CEP63: variants seen among roughly 807,000 people sequenced by gnomAD.
The protein encoded by CEP63 is centrosomal protein 63.
In CEP63, 84 loss-of-function variants were observed where a neutral mutation model predicts 89.1. The observed-to-expected ratio is 0.94, with a 90% CI of 0.79 to 1.13. CEP63 has a LOEUF of 1.13. Among genes scored for constraint, CEP63 ranks in the 50% most tolerant of loss-of-function variants. The probability of loss-of-function intolerance (pLI) is 0.00; values close to 1 mark genes in which losing one functional copy is unlikely to be tolerated. For missense variants in CEP63, 838 were observed against 813.3 expected (o/e 1.03, Z -0.37); for synonymous variants, 267 against 272.5 (o/e 0.98, Z 0.20).
At chr3:134,568,452 T>G (rs973977327), downstream of CEP63, among the ~76,000 whole-genome samples, 1 of 152,214 alleles carries the variant, frequency 6.6e-6, no homozygotes, top group African/African-American at 2.4e-5. Flanking sequence ...CAGGTTCCTG[T>G]GTAACCCAAC....
intron 1 of CEP63, among the ~76,000 whole-genome samples, chr3:134,489,591 A>C (rs1324373424): frequency 1.3e-5 from 2 of 152,190 alleles, no homozygotes; most frequent in Non-Finnish European, 2.9e-5. Flanking sequence ...TATTGCCTGT[A>C]TCCGTTATTG....
At chr3:134,556,897 A>G (rs894191731) in intron 12 of CEP63, among the ~76,000 whole-genome samples, 5 of 152,200 alleles carry the variant, frequency 3.3e-5, no homozygotes, top group East Asian at 1.9e-4. Flanking sequence ...TCATTTTTTA[A>G]TAAGTATGTT....
At chr3:134,743,203 C>G in the CEP63 span, among the ~76,000 whole-genome samples, 5 of 152,164 alleles carry the variant, frequency 3.3e-5, no homozygotes, top group African/African-American at 1.2e-4. Context: ...TACTGTCTCT[C>G]CCTGCTTATG....
chr3:134,631,088 A>G, the CEP63 span, among the ~76,000 whole-genome samples: 1 of 152,220 alleles, frequency 6.6e-6, no homozygotes, highest in South Asian at 2.1e-4. Flanking sequence ...AGAGATCTGT[A>G]GGTCAATACC....
chr3:134,531,716 T>C, intron 3 of CEP63, 129 bp from the exon 4 acceptor site: 2 of 695,494 alleles, frequency 2.9e-6, no homozygotes, highest in Non-Finnish European at 5.1e-6. Flanking sequence ...AGAAGTGGGG[T>C]ATCACCATAT....
intron 12 of CEP63, among the ~76,000 whole-genome samples, chr3:134,555,563 C>G (rs199530215): frequency 3.3e-5 from 5 of 151,236 alleles, no homozygotes; most frequent in African/African-American, 1.2e-4. Flanking sequence ...ATCCAACTTA[C>G]AAGGGATGTG....
At chr3:134,545,439 T>C in intron 6 of CEP63, 147 bp from the exon 7 acceptor site, 1 of 661,452 alleles carries the variant, frequency 1.5e-6, no homozygotes. Context: ...CTCTCAATTC[T>C]TTCTTACCCC....
At chr3:134,629,211 C>G in the CEP63 span, among the ~76,000 whole-genome samples, 1 of 152,234 alleles carries the variant, frequency 6.6e-6, no homozygotes, top group African/African-American at 2.4e-5. Flanking sequence ...TACTTCACCT[C>G]TCTAAGCCTC....
At chr3:134,632,233 A>G in the CEP63 span, among the ~76,000 whole-genome samples, 1 of 152,106 alleles carries the variant, frequency 6.6e-6, no homozygotes, top group East Asian at 1.9e-4. Context: ...CAGCAAATAT[A>G]TAGAAGAAAT....
At chr3:134,513,800 GT>G (rs1945564435) in intron 3 of CEP63, among the ~76,000 whole-genome samples, 1 of 152,064 alleles carries the variant, frequency 6.6e-6, no homozygotes, top group Non-Finnish European at 1.5e-5. Flanking sequence ...CCTGAAATCA[GT>G]TTTAAGTTAA....
chr3:134,705,770 C>T, the CEP63 span, among the ~76,000 whole-genome samples: 3 of 152,288 alleles, frequency 2.0e-5, no homozygotes, highest in East Asian at 1.9e-4. Context: ...ACATTTGGTT[C>T]GCTCTCATTG....
In CEP63 at chr3:134,531,867, T is replaced by TAGA; in HGVS notation, c.250_252dup (p.Glu84dup). On this transcript the variant is annotated inframe_insertion, in exon 4 of 15. Coordinates refer to ENST00000675561, the MANE Select transcript of CEP63 (RefSeq NM_001353108.3). ...TAGGTTGGAATGTTGCATCAGCAGG[T>TAGA]AGAAGAACATGAAAAAATCAAGCAA... is the stretch of plus-strand genomic sequence containing the variant. The TAGA allele has an allele frequency of 6.2e-7, 1 of 1,613,542 alleles. No individual in the cohort carries two copies.
the CEP63 span, among the ~76,000 whole-genome samples, chr3:134,728,593 C>A: frequency 6.6e-6 from 1 of 152,132 alleles, no homozygotes; most frequent in Non-Finnish European, 1.5e-5. Context: ...TAAGACATAG[C>A]CCCTATCCTC....
chr3:134,724,433 G>T, the CEP63 span, among the ~76,000 whole-genome samples: 3 of 152,210 alleles, frequency 2.0e-5, no homozygotes, highest in African/African-American at 7.2e-5. Flanking sequence ...TGCTGGCCAT[G>T]TTGGTATAGA....
the CEP63 span, among the ~76,000 whole-genome samples, chr3:134,626,307 A>G: frequency 6.6e-6 from 1 of 152,206 alleles, no homozygotes; most frequent in African/African-American, 2.4e-5. Context: ...GAGTAGGGCT[A>G]TGTGAGAAAG....
At chr3:134,623,811 G>C in the CEP63 span, among the ~76,000 whole-genome samples, 1 of 152,108 alleles carries the variant, frequency 6.6e-6, no homozygotes, top group Non-Finnish European at 1.5e-5. Context: ...TGTTGACCAC[G>C]TCTGCCCCAG....
chr3:134,628,325 A>G, the CEP63 span, among the ~76,000 whole-genome samples: 1 of 152,202 alleles, frequency 6.6e-6, no homozygotes, highest in Non-Finnish European at 1.5e-5. Flanking sequence ...CCATAAATCT[A>G]AGACCGTAAA....
At chr3:134,726,889 C>T in the CEP63 span, among the ~76,000 whole-genome samples, 2 of 152,158 alleles carry the variant, frequency 1.3e-5, no homozygotes, top group Non-Finnish European at 2.9e-5. Context: ...ATGGCCTTCT[C>T]CTGTTCCAGC....
chr3:134,730,376 C>CTGTT, the CEP63 span, among the ~76,000 whole-genome samples: 1 of 152,116 alleles, frequency 6.6e-6, no homozygotes, highest in African/African-American at 2.4e-5. Flanking sequence ...CACTGTATGG[C>CTGTT]TGTTGGTAAG....
Sources: gnomAD v4.1 joint callset for allele counts (sites outside exome capture counted in the v4.1 genomes callset) on GRCh38, gnomAD v4.1.1 for gene constraint, MANE v1.5 for transcripts, NCBI Gene and HGNC (gene_info 2026-07-23, HGNC 2026-07-21) for gene names.